Variants in MYRIP observed in about 807,000 individuals in gnomAD.
MYRIP encodes the protein myosin VIIA and Rab interacting protein, also known as rab effector MyRIP.
MYRIP carries 49 observed loss-of-function variants against 98.0 expected under a neutral mutation model. The ratio of observed to expected loss-of-function variants is 0.50; its 90% CI spans 0.40 to 0.63. MYRIP has a LOEUF of 0.63. Among genes scored for constraint, MYRIP ranks in the 30% least tolerant of loss-of-function variants. MYRIP has a pLI of 0.00. For synonymous variants in MYRIP, 404 were observed against 409.5 expected (o/e 0.99, Z 0.16); for missense variants, 1,004 against 1,058.2 (o/e 0.95, Z 0.71).
At chr3:39,960,164 A>G (rs1945286634) in intron 2 of MYRIP, among the ~76,000 whole-genome samples, 1 of 152,082 alleles carries the variant, frequency 6.6e-6, no homozygotes, top group Non-Finnish European at 1.5e-5. Context: ...AGGGAGCATC[A>G]TAAGAGCCAG....
chr3:40,233,250 C>T (rs910927930), intron 11 of MYRIP, among the ~76,000 whole-genome samples: 1 of 152,158 alleles, frequency 6.6e-6, no homozygotes, highest in South Asian at 2.1e-4. Context: ...TTCCTGTTCA[C>T]CCCCATGGTA....
At chr3:40,204,344 G>T (rs1173069909) in intron 10 of MYRIP, among the ~76,000 whole-genome samples, 1 of 145,284 alleles carries the variant, frequency 6.9e-6, no homozygotes, top group Non-Finnish European at 1.5e-5. Flanking sequence ...AGCACATCCA[G>T]CTAATTTTTG....
chr3:40,175,335 A>G (rs1180430372), intron 8 of MYRIP, among the ~76,000 whole-genome samples: 2 of 152,126 alleles, frequency 1.3e-5, no homozygotes, highest in East Asian at 3.9e-4. Context: ...AGCCATCTAC[A>G]TGTAACAGGA....
intron 3 of MYRIP, among the ~76,000 whole-genome samples, chr3:40,067,891 AT>A (rs544445314): frequency 2.4e-4 from 36 of 152,310 alleles, no homozygotes; most frequent in Admixed American, 2.1e-3. Context: ...ATATAACCTC[AT>A]ATTTTAAATG....
At chr3:39,852,417 G>A (rs1252174885) in intron 1 of MYRIP, among the ~76,000 whole-genome samples, 1 of 152,154 alleles carries the variant, frequency 6.6e-6, no homozygotes, top group African/African-American at 2.4e-5. Flanking sequence ...TAAATTTGTG[G>A]AACAGGTGGT....
intron 3 of MYRIP, among the ~76,000 whole-genome samples, chr3:40,136,728 A>T (rs1047491676): frequency 6.6e-6 from 1 of 152,182 alleles, no homozygotes; most frequent in East Asian, 1.9e-4. Flanking sequence ...GGATTAAGAA[A>T]CTCACGCAAA....
At chr3:40,028,561 G>A (rs1947187585) in intron 2 of MYRIP, among the ~76,000 whole-genome samples, 1 of 152,154 alleles carries the variant, frequency 6.6e-6, no homozygotes, top group Admixed American at 6.5e-5. Flanking sequence ...GCAACCCTGT[G>A]AAGTAGAAAT....
intron 2 of MYRIP, among the ~76,000 whole-genome samples, chr3:39,960,624 T>C (rs1336852379): frequency 6.6e-6 from 1 of 152,176 alleles, no homozygotes; most frequent in African/African-American, 2.4e-5. Flanking sequence ...CTAGCATGAC[T>C]AGCTTATAAA....
At chr3:40,215,036 T>C (rs984556020) in intron 11 of MYRIP, among the ~76,000 whole-genome samples, 2 of 152,186 alleles carry the variant, frequency 1.3e-5, no homozygotes, top group Admixed American at 1.3e-4. Flanking sequence ...ATAAGTATCA[T>C]TTGCAATACT....
chr3:39,945,492 G>GA (rs71618921), intron 2 of MYRIP, among the ~76,000 whole-genome samples: 3 of 119,500 alleles, frequency 2.5e-5, no homozygotes, highest in African/African-American at 3.6e-5. Flanking sequence ...AAAAAAAAAA[G>GA]AAAAAAGAAA....
At chr3:39,879,056 C>G (rs1289288510) in intron 1 of MYRIP, among the ~76,000 whole-genome samples, 1 of 143,930 alleles carries the variant, frequency 6.9e-6, no homozygotes, top group African/African-American at 2.6e-5. Context: ...CAGAGCGAGA[C>G]TCTGTCTCAA....
intron 2 of MYRIP, among the ~76,000 whole-genome samples, chr3:39,960,777 G>A (rs892189031): frequency 6.6e-6 from 1 of 152,192 alleles, no homozygotes; most frequent in Non-Finnish European, 1.5e-5. Flanking sequence ...GGCAGAGGCA[G>A]ATGTTTCCTT....
chr3:39,872,069 T>C (rs915249130), intron 1 of MYRIP, among the ~76,000 whole-genome samples: 23 of 152,166 alleles, frequency 1.5e-4, no homozygotes, highest in Admixed American at 1.5e-3. Flanking sequence ...TAGAGACAAC[T>C]GATGAATTTT....
rs1941922538 is a variant in MYRIP at position 39,845,103 on chromosome 3, TAAC to T, written c.-31+35194_-31+35196del. ...TGACTGAAAGGCTCAATGATGATTA[TAAC>T]AACAACGGCAATAAAAGCAACAGCC... is the stretch of plus-strand genomic sequence containing the variant. On this transcript the variant is annotated intron_variant, in intron 1 of 16. Transcript: ENST00000302541. 3.3e-5 allele frequency among the ~76,000 whole-genome samples: 5 copies of T among 152,314 alleles called. No homozygotes were observed. In the South Asian group the frequency reaches 1.0e-3, roughly 32 times the overall value.
Position 40,027,962 on chromosome 3 carries a change from C to G in MYRIP, c.111-16088C>G, listed in dbSNP as rs373058325. Among the ~76,000 whole-genome samples, 231 of 152,082 alleles carry G rather than the reference C, an allele frequency of 1.5e-3. 2 individuals carry two copies. Among genetic ancestry groups the G allele is most frequent in the African/African-American group, 5.5e-3 (227 of 41,490 alleles). ...GAATGGATGAGTCACCCTAGGGGGT[C>G]AGGGCAGGAAGCGGGAAAAAGAGGG... On this transcript the variant is annotated intron_variant, in intron 2 of 16. Transcript: ENST00000302541.
intron 2 of MYRIP, among the ~76,000 whole-genome samples, chr3:39,954,127 A>C (rs1020429993): frequency 3.3e-5 from 5 of 152,194 alleles, no homozygotes; most frequent in East Asian, 1.9e-4. Flanking sequence ...CTGCAGACTT[A>C]AAATGTCCCT....
intron 5 of MYRIP, among the ~76,000 whole-genome samples, chr3:40,164,444 C>G (rs1008546784): frequency 1.3e-5 from 2 of 152,228 alleles, no homozygotes; most frequent in African/African-American, 4.8e-5. Flanking sequence ...TGAATTTCTC[C>G]TCTAGGAAAC....
chr3:40,130,534 C>A (rs1396470600), intron 3 of MYRIP, among the ~76,000 whole-genome samples: 1 of 151,724 alleles, frequency 6.6e-6, no homozygotes, highest in Non-Finnish European at 1.5e-5. Flanking sequence ...CCCACCATCA[C>A]GCCCGGCTAA....
At chr3:39,843,184 C>G (rs1057069660) in intron 1 of MYRIP, among the ~76,000 whole-genome samples, 3 of 152,106 alleles carry the variant, frequency 2.0e-5, no homozygotes, top group African/African-American at 7.2e-5. Flanking sequence ...AGGATATTAT[C>G]TAGGGTCAAA....
Sources: allele counts gnomAD v4.1 joint callset (sites outside exome capture counted in the v4.1 genomes callset), GRCh38; gene constraint gnomAD v4.1.1; transcripts MANE v1.5; gene names NCBI Gene and HGNC (gene_info 2026-07-23, HGNC 2026-07-21).